PIGU: variants seen among roughly 807,000 people sequenced by gnomAD.
PIGU encodes the protein GPI-anchor transamidase component PIGU.
PIGU carries 24 observed loss-of-function variants against 49.9 expected under a neutral mutation model. The observed-to-expected ratio is 0.48, with a 90% CI of 0.35 to 0.68. PIGU has a LOEUF of 0.68. Ranked by LOEUF, PIGU falls within the 30% of genes least tolerant of loss-of-function variation. The pLI, the probability that PIGU is intolerant of heterozygous loss-of-function variation, is 0.01. For missense variants in PIGU, 490 were observed against 532.6 expected, an observed-to-expected ratio of 0.92 and a Z score of 0.79; for synonymous variants, 220 against 205.7, an observed-to-expected ratio of 1.07 and a Z score of -0.59.
chr20:34,561,964 G>A (rs960355192), intron 11 of PIGU, among the ~76,000 whole-genome samples: 4 of 152,116 alleles, frequency 2.6e-5, no homozygotes, highest in Non-Finnish European at 5.9e-5. Flanking sequence ...CCCCTGGCCC[G>A]GGGCCTCCAT....
chr20:34,638,268 T>A (rs1986032852), intron 4 of PIGU, among the ~76,000 whole-genome samples: 1 of 152,216 alleles, frequency 6.6e-6, no homozygotes, highest in Admixed American at 6.5e-5. Context: ...ATATCTCAGT[T>A]AAATCATCAT....
chr20:34,574,571 A>G (rs1053866297), intron 11 of PIGU, among the ~76,000 whole-genome samples: 2 of 151,982 alleles, frequency 1.3e-5, no homozygotes, highest in Non-Finnish European at 2.9e-5. Context: ...CACACAATTT[A>G]TGCTCAACTC....
chr20:34,665,227 T>A (rs868004743), intron 1 of PIGU, among the ~76,000 whole-genome samples: 4 of 99,158 alleles, frequency 4.0e-5, no homozygotes, highest in Non-Finnish European at 8.6e-5. Context: ...TTTTTGAGAC[T>A]GAGTCTCGCT....
chr20:34,605,728 T>G (rs1464119176), intron 7 of PIGU, among the ~76,000 whole-genome samples: 1 of 152,148 alleles, frequency 6.6e-6, no homozygotes, highest in Non-Finnish European at 1.5e-5. Context: ...TATTATAAAT[T>G]TTTTCAAACA....
intron 7 of PIGU, among the ~76,000 whole-genome samples, chr20:34,600,474 C>T (rs1225147205): frequency 6.6e-6 from 1 of 151,584 alleles, no homozygotes; most frequent in Non-Finnish European, 1.5e-5. Context: ...GAGAAGGCAT[C>T]CATAGATAAA....
intron 7 of PIGU, among the ~76,000 whole-genome samples, chr20:34,609,602 T>C (rs893237329): frequency 6.6e-6 from 1 of 152,142 alleles, no homozygotes; most frequent in Non-Finnish European, 1.5e-5. Flanking sequence ...TAACCTCAGG[T>C]GATCCACCCA....
At chr20:34,616,230 C>T (rs1985001737) in intron 6 of PIGU, 91 bp from the exon 7 acceptor site, 7 of 1,405,286 alleles carry the variant, frequency 5.0e-6, no homozygotes, top group Non-Finnish European at 6.7e-6. Context: ...CTTTCCATAA[C>T]TGCTCAAATA....
At chr20:34,639,925 C>T (rs1986095856) in intron 4 of PIGU, among the ~76,000 whole-genome samples, 1 of 152,156 alleles carries the variant, frequency 6.6e-6, no homozygotes, top group Non-Finnish European at 1.5e-5. Context: ...CAATCAAGTG[C>T]TTAGTGAGGA....
Position 34,560,997 on chromosome 20 carries a change from G to C in PIGU, c.1195-18C>G, listed in dbSNP as rs760039825. ...AGCAGGATCTGGGGGGAGAGAGAGGGTGTGAGGCGCTGCTGGGTACCTCCC... is the reference window on the plus strand; with the variant it reads ...AGCAGGATCTGGGGGGAGAGAGAGGCTGTGAGGCGCTGCTGGGTACCTCCC... On this transcript the variant is annotated intron_variant, in intron 11 of 11. Coordinates refer to ENST00000217446, the MANE Select transcript of PIGU (RefSeq NM_080476.5). 1.3e-6 allele frequency: 2 copies of C among 1,553,684 alleles called. No individual in the cohort carries two copies. The highest frequency in any genetic ancestry group is 3.4e-5 in the Admixed American group (2 of 58,962).
At chr20:34,622,433 C>G (rs1159464839) in intron 6 of PIGU, among the ~76,000 whole-genome samples, 2 of 151,968 alleles carry the variant, frequency 1.3e-5, no homozygotes, top group Non-Finnish European at 2.9e-5. Flanking sequence ...AGGAGAATCT[C>G]TTGAACCTGA....
chr20:34,669,179 C>T (rs964955651), intron 1 of PIGU, among the ~76,000 whole-genome samples: 2 of 151,820 alleles, frequency 1.3e-5, no homozygotes, highest in African/African-American at 4.8e-5. Context: ...AGCCACTGTG[C>T]CCAGCAAAAA....
At chr20:34,665,961 G>T (rs370069542) in intron 1 of PIGU, among the ~76,000 whole-genome samples, 1 of 152,104 alleles carries the variant, frequency 6.6e-6, no homozygotes, top group Non-Finnish European at 1.5e-5. Flanking sequence ...CGAAGTGGGT[G>T]GATCACCTGA....
chr20:34,652,915 T>G (rs544161003), intron 2 of PIGU, among the ~76,000 whole-genome samples: 1 of 152,150 alleles, frequency 6.6e-6, no homozygotes, highest in South Asian at 2.1e-4. Context: ...TTGAAAAAAA[T>G]TATGTGTTTT....
intron 6 of PIGU, among the ~76,000 whole-genome samples, chr20:34,620,669 G>A (rs1468214853): frequency 6.6e-6 from 1 of 151,748 alleles, no homozygotes; most frequent in Non-Finnish European, 1.5e-5. Flanking sequence ...AAATTAGCCG[G>A]GCATGGTGGT....
chr20:34,605,717 T>G (rs1984586932), intron 7 of PIGU, among the ~76,000 whole-genome samples: 1 of 152,184 alleles, frequency 6.6e-6, no homozygotes, highest in Non-Finnish European at 1.5e-5. Context: ...TCCCTCTTTT[T>G]TATTATAAAT....
chr20:34,640,089 G>A (rs1351893172), intron 4 of PIGU, among the ~76,000 whole-genome samples: 1 of 152,184 alleles, frequency 6.6e-6, no homozygotes, highest in Non-Finnish European at 1.5e-5. Flanking sequence ...CAGACAGGTG[G>A]GAATGCAGAC....
chr20:34,633,315 T>C (rs1457837494), intron 6 of PIGU, among the ~76,000 whole-genome samples: 1 of 151,886 alleles, frequency 6.6e-6, no homozygotes, highest in Non-Finnish European at 1.5e-5. Context: ...AATACAAAAA[T>C]TAGCCAGGCA....
At chr20:34,594,262 T>C (rs541873787) in intron 7 of PIGU, among the ~76,000 whole-genome samples, 7 of 152,318 alleles carry the variant, frequency 4.6e-5, no homozygotes, top group South Asian at 4.1e-4. Flanking sequence ...CCTCCAACAA[T>C]ATGAAAATAA....
Position 34,653,196 on chromosome 20 carries a change from C to A in PIGU, c.195+3984G>T, listed in dbSNP as rs1022461257. The stretch of plus-strand genomic sequence containing the variant: ...CCATGTTGGTCAGGCTGGTCTCAAA[C>A]TCCTGGCCTCAATCTACCCGCCTTG... On this transcript the variant is annotated intron_variant, in intron 2 of 11. Coordinates refer to ENST00000217446, the MANE Select transcript of PIGU (RefSeq NM_080476.5). Among the ~76,000 whole-genome samples, 6 of 152,158 alleles carry A rather than the reference C, an allele frequency of 3.9e-5. No individual in the cohort carries two copies. The South Asian group carries it at 1.2e-3, about 31-fold the overall frequency.
Sources: allele counts gnomAD v4.1 joint callset (sites outside exome capture counted in the v4.1 genomes callset), GRCh38; gene constraint gnomAD v4.1.1; transcripts MANE v1.5; gene names NCBI Gene and HGNC (gene_info 2026-07-23, HGNC 2026-07-21).